DUSP16: variants seen among roughly 807,000 people sequenced by gnomAD.
DUSP16 encodes dual specificity protein phosphatase 16.
A neutral mutation model predicts 58.3 loss-of-function variants in DUSP16; 21 were observed. That is an observed-to-expected ratio of 0.36 (90% CI 0.26 to 0.52). DUSP16 has a LOEUF of 0.52. DUSP16 is among the 20% of genes least tolerant of loss of function. The pLI, the probability that DUSP16 is intolerant of heterozygous loss-of-function variation, is 0.94. For missense variants in DUSP16, 726 were observed against 819.0 expected (o/e 0.89, Z 1.39); for synonymous variants, 320 against 323.8 (o/e 0.99, Z 0.12).
At chr12:12,551,690 CCTT>C (rs1215774312) in intron 1 of DUSP16, among the ~76,000 whole-genome samples, 1 of 138,392 alleles carries the variant, frequency 7.2e-6, no homozygotes, top group African/African-American at 2.5e-5. Flanking sequence ...ACTTAGTAAA[CCTT>C]TTTTTTTTTT....
rs1401267882 is a variant in DUSP16 at position 12,500,510 on chromosome 12, A to G, written c.531+9T>C. 1.3e-6 allele frequency: 2 copies of G among 1,593,942 alleles called. No homozygotes were observed. Among genetic ancestry groups the G allele is most frequent in the South Asian group, 2.3e-5 (2 of 87,328 alleles). On this transcript the variant is annotated intron_variant, in intron 4 of 6. Coordinates refer to ENST00000298573, the MANE Select transcript of DUSP16 (RefSeq NM_030640.3). ...ACCCAGCAATGAAGGATATTTTCAA[A>G]GCACCCACCTTGTTGAGGACATCTC...
At chr12:12,561,478 G>C (rs992160298) in intron 1 of DUSP16, among the ~76,000 whole-genome samples, 1 of 152,144 alleles carries the variant, frequency 6.6e-6, no homozygotes. Flanking sequence ...ACAGACCCTG[G>C]GCTTTTTTAT....
In DUSP16 at chr12:12,484,734, G is replaced by A. The variant is rs562169644; in HGVS notation, c.691+2294C>T. ...CATCCCAGGTTCAAGAGATTCTCCTGCCTCAGCCTCCCAAGTAGCTGGGAT... is the reference window on the plus strand; with the variant it reads ...CATCCCAGGTTCAAGAGATTCTCCTACCTCAGCCTCCCAAGTAGCTGGGAT... On this transcript the variant is annotated intron_variant, in intron 5 of 6. Transcript: ENST00000298573. Among the ~76,000 whole-genome samples the A allele has an allele frequency of 5.3e-5, 8 of 152,074 alleles. No individual in the cohort carries two copies. The South Asian group carries it at 1.7e-3, about 32-fold the overall frequency.
chr12:12,479,659 C>A (rs1274470733), intron 6 of DUSP16, among the ~76,000 whole-genome samples: 1 of 152,128 alleles, frequency 6.6e-6, no homozygotes, highest in African/African-American at 2.4e-5. Flanking sequence ...CCATCTCTAC[C>A]CAACGATACA....
intron 1 of DUSP16, among the ~76,000 whole-genome samples, chr12:12,551,010 A>G (rs1487915489): frequency 2.0e-5 from 3 of 152,178 alleles, no homozygotes; most frequent in Admixed American, 6.5e-5. Flanking sequence ...ATGAAATAGG[A>G]AGCACACATA....
chr12:12,550,268 G>T lies in DUSP16; in HGVS notation c.-366+11849C>A, dbSNP rs555593710. Among the ~76,000 whole-genome samples, 126 of 128,818 alleles carry T rather than the reference G, an allele frequency of 9.8e-4. 1 individual carries two copies. The highest frequency in any genetic ancestry group is 3.4e-3 in the African/African-American group (122 of 36,086). The allele number at this position is 128,818 out of a possible 152,430, so 84.5% of individuals were successfully genotyped here. Reference sequence around the variant, plus strand: ...AGCCTGGGTGACAGAGTGAGACTCCGTCTCAAAAAAAAAAAAAAAAATGTG... The same window carrying T: ...AGCCTGGGTGACAGAGTGAGACTCCTTCTCAAAAAAAAAAAAAAAAATGTG... On this transcript the variant is annotated intron_variant, in intron 1 of 6. Transcript: ENST00000298573.
At chr12:12,497,478 G>C (rs987200665) in intron 4 of DUSP16, among the ~76,000 whole-genome samples, 1 of 152,122 alleles carries the variant, frequency 6.6e-6, no homozygotes, top group African/African-American at 2.4e-5. Flanking sequence ...CTGTGCCACT[G>C]ACTAGCTCTG....
At chr12:12,557,473 A>T (rs983284894) in intron 1 of DUSP16, among the ~76,000 whole-genome samples, 2 of 151,894 alleles carry the variant, frequency 1.3e-5, no homozygotes, top group Non-Finnish European at 2.9e-5. Context: ...AAAAAAAAAA[A>T]ATCTAAGTTT....
chr12:12,504,831 C>G lies in DUSP16; in HGVS notation c.368-4149G>C, dbSNP rs1050649838. On this transcript the variant is annotated intron_variant, in intron 3 of 6. Transcript: ENST00000298573. ...GGTTGATGATGCAGTGAGCTGTGAT[C>G]GCACCACTGCACTCCAGCCTGGGTG... is the stretch of plus-strand genomic sequence containing the variant. Among the ~76,000 whole-genome samples the G allele has an allele frequency of 2.6e-5, 4 of 151,880 alleles. No homozygotes were observed. The South Asian group carries it at 8.3e-4, about 32-fold the overall frequency.
chr12:12,477,646 C>G lies in DUSP16; in HGVS notation c.1185G>C (p.Lys395Asn). Residue 395 changes from lysine (K) to asparagine (N), a missense_variant, in exon 7 of 7, where the codon AAG (lysine) becomes AAC (asparagine). Transcript: ENST00000298573. The surrounding 1 kb of genome is among the most constrained non-coding windows in gnomAD (Gnocchi z 4.1). The part of the protein sequence containing the change: ...LSADRLEDSN[K>N]LKRSFSLDIK... Reference sequence around the variant, plus strand: ...TATCCAGAGAGAAGGAACGCTTGAGCTTATTGCTGTCTTCCAGCCTGTCTG... The same window carrying G: ...TATCCAGAGAGAAGGAACGCTTGAGGTTATTGCTGTCTTCCAGCCTGTCTG... 2.5e-6 allele frequency: 4 copies of G among 1,614,200 alleles called. No individual in the cohort carries two copies. Among genetic ancestry groups the G allele is most frequent in the East Asian group, 2.2e-5 (1 of 44,880 alleles).
In DUSP16 at chr12:12,562,343, G is replaced by C. The variant is rs1000135766; in HGVS notation, c.-592C>G. The C allele has an allele frequency of 2.0e-5, 3 of 151,802 alleles. No individual in the cohort carries two copies. The highest frequency in any genetic ancestry group is 7.3e-5 in the African/African-American group (3 of 41,282). 9.4% of individuals were successfully genotyped at this position (151,802 alleles called of 1,614,324 possible). On this transcript the variant is annotated 5_prime_UTR_variant, in exon 1 of 7. Coordinates refer to ENST00000298573, the MANE Select transcript of DUSP16 (RefSeq NM_030640.3). The stretch of plus-strand genomic sequence containing the variant: ...TGGGTTGGGGCGGGAGGCTTAGGAA[G>C]AGAGGAGACGCTCGCAACTTTTCTT...
intron 5 of DUSP16, among the ~76,000 whole-genome samples, chr12:12,481,849 G>T (rs546338993): frequency 6.6e-6 from 1 of 151,940 alleles, no homozygotes; most frequent in African/African-American, 2.4e-5. Flanking sequence ...TTTACCCCAC[G>T]TTACTCTCAG....
intron 5 of DUSP16, 128 bp from the exon 6 acceptor site, chr12:12,480,474 T>C (rs1189129012): frequency 1.9e-6 from 2 of 1,067,504 alleles, no homozygotes; most frequent in Non-Finnish European, 2.6e-6. Context: ...GTGTATATCA[T>C]ATTTATCCTC....
At chr12:12,541,048 T>C (rs1404142264) in intron 1 of DUSP16, among the ~76,000 whole-genome samples, 2 of 134,554 alleles carry the variant, frequency 1.5e-5, no homozygotes, top group Admixed American at 8.2e-5. Context: ...AGCCTCAACC[T>C]CCCAGGCTCA....
intron 6 of DUSP16, 61 bp downstream of exon 6, chr12:12,480,162 C>T: frequency 6.3e-7 from 1 of 1,589,382 alleles, no homozygotes; most frequent in South Asian, 1.1e-5. Context: ...CCATCCTCAT[C>T]ATTCTTTATG....
At chr12:12,527,695 A>G (rs562309002) in intron 1 of DUSP16, among the ~76,000 whole-genome samples, 1 of 152,354 alleles carries the variant, frequency 6.6e-6, no homozygotes, top group South Asian at 2.1e-4. Context: ...TTAATGTCTG[A>G]TCATATTTCC....
At chr12:12,530,737 A>AT (rs944819502) in intron 1 of DUSP16, among the ~76,000 whole-genome samples, 25 of 152,132 alleles carry the variant, frequency 1.6e-4, no homozygotes, top group African/African-American at 5.6e-4. Context: ...AATATTATAC[A>AT]TTTTTTCCAA....
At chr12:12,542,526 T>A (rs1944579517) in intron 1 of DUSP16, among the ~76,000 whole-genome samples, 2 of 151,890 alleles carry the variant, frequency 1.3e-5, no homozygotes, top group African/African-American at 4.8e-5. Flanking sequence ...TTGGGGGTGA[T>A]GAAAATGTCC....
chr12:12,490,306 A>G (rs1423011653), intron 4 of DUSP16, among the ~76,000 whole-genome samples: 1 of 152,186 alleles, frequency 6.6e-6, no homozygotes, highest in East Asian at 1.9e-4. Flanking sequence ...TAAAAGGTCT[A>G]TTGATTAAAT....
Sources: gnomAD v4.1 joint callset for allele counts (sites outside exome capture counted in the v4.1 genomes callset) on GRCh38, gnomAD v4.1.1 for gene constraint, Gnocchi (gnomAD v3.1) non-coding constraint, MANE v1.5 for transcripts, NCBI Gene and HGNC (gene_info 2026-07-23, HGNC 2026-07-21) for gene names.